The following FGF14 variants were observed in gnomAD, a reference collection of about 807,000 sequenced individuals.
FGF14 encodes fibroblast growth factor homologous factor 4.
In FGF14, 5 loss-of-function variants were observed where a neutral mutation model predicts 25.5. The ratio of observed to expected loss-of-function variants is 0.20; its 90% CI spans 0.10 to 0.41. The LOEUF is 0.41. FGF14 is among the 10% of genes least tolerant of loss of function. FGF14 has a pLI of 1.00. For synonymous variants in FGF14, 138 were observed against 118.3 expected, an observed-to-expected ratio of 1.17 and a Z score of -1.08; for missense variants, 222 against 320.1, an observed-to-expected ratio of 0.69 and a Z score of 2.34.
chr13:101,853,991 T>A (rs1414314498), intron 3 of FGF14, among the ~76,000 whole-genome samples: 1 of 152,118 alleles, frequency 6.6e-6, no homozygotes, highest in Non-Finnish European at 1.5e-5. Context: ...ACAACCATCA[T>A]ATTTGCTGAA....
chr13:101,998,740 G>A (rs2139716636), intron 1 of FGF14, among the ~76,000 whole-genome samples: 1 of 152,278 alleles, frequency 6.6e-6, no homozygotes. Context: ...GTAATGGGAG[G>A]AACTTTGTAA....
chr13:101,853,359 A>T (rs1262098070), intron 3 of FGF14, among the ~76,000 whole-genome samples: 2 of 152,108 alleles, frequency 1.3e-5, no homozygotes, highest in Non-Finnish European at 2.9e-5. Flanking sequence ...ACCTATTACC[A>T]ACAAATTCTC....
chr13:102,374,781 C>A (rs2057998209), intron 1 of FGF14, among the ~76,000 whole-genome samples: 1 of 147,258 alleles, frequency 6.8e-6, no homozygotes, highest in Non-Finnish European at 1.5e-5. Flanking sequence ...AAATCAATTT[C>A]TTCTGGTGGT....
chr13:102,010,010 A>T (rs2039998095), intron 1 of FGF14, among the ~76,000 whole-genome samples: 1 of 152,214 alleles, frequency 6.6e-6, no homozygotes, highest in Non-Finnish European at 1.5e-5. Flanking sequence ...AAAATAATAT[A>T]CCTAGAGAAA....
At chr13:101,796,985 G>A (rs1225907419) in intron 3 of FGF14, among the ~76,000 whole-genome samples, 1 of 151,960 alleles carries the variant, frequency 6.6e-6, no homozygotes, top group African/African-American at 2.4e-5. Flanking sequence ...CTTCTCTGTG[G>A]TGCAGGGCTT....
chr13:101,898,785 A>G (rs1226639014), intron 1 of FGF14, among the ~76,000 whole-genome samples: 1 of 152,206 alleles, frequency 6.6e-6, no homozygotes, highest in East Asian at 1.9e-4. Flanking sequence ...TTTAAAAACA[A>G]GAAGAGAAAA....
chr13:101,965,897 T>C (rs1000351745), intron 1 of FGF14, among the ~76,000 whole-genome samples: 2 of 152,168 alleles, frequency 1.3e-5, no homozygotes, highest in Non-Finnish European at 2.9e-5. Context: ...AACTGAAAAG[T>C]GTCACTCCAT....
intron 1 of FGF14, among the ~76,000 whole-genome samples, chr13:102,184,661 G>T (rs1183378913): frequency 6.6e-6 from 1 of 152,126 alleles, no homozygotes; most frequent in Non-Finnish European, 1.5e-5. Context: ...TGCAGCATTT[G>T]CCTATCAAAT....
At chr13:102,339,457 G>A (rs2056887013) in intron 1 of FGF14, among the ~76,000 whole-genome samples, 1 of 152,006 alleles carries the variant, frequency 6.6e-6, no homozygotes, top group African/African-American at 2.4e-5. Context: ...ATAACTGAAA[G>A]ATGTAAATCT....
chr13:101,719,676 A>G lies in FGF14; in HGVS notation c.*3155T>C, dbSNP rs572611560. ...CAGCTACTATAACAAATCAGTAGAAATAACCCTCCCACACCAGATATGCAT... is the reference window on the plus strand; with the variant it reads ...CAGCTACTATAACAAATCAGTAGAAGTAACCCTCCCACACCAGATATGCAT... On this transcript the variant is annotated 3_prime_UTR_variant, in exon 5 of 5. Transcript: ENST00000376143. 1.3e-5 allele frequency: 2 copies of G among 152,258 alleles called. No individual in the cohort carries two copies. The highest frequency in any genetic ancestry group is 1.3e-4 in the Admixed American group (2 of 15,272). 9.4% of individuals were successfully genotyped at this position (152,258 alleles called of 1,614,324 possible).
chr13:102,356,047 T>G (rs1269532023), intron 1 of FGF14, among the ~76,000 whole-genome samples: 1 of 152,192 alleles, frequency 6.6e-6, no homozygotes, highest in African/African-American at 2.4e-5. Context: ...TTGCTCAGGA[T>G]TATTATTTTT....
intron 3 of FGF14, among the ~76,000 whole-genome samples, chr13:101,864,889 A>G (rs1239999537): frequency 6.6e-6 from 1 of 152,152 alleles, no homozygotes; most frequent in African/African-American, 2.4e-5. Flanking sequence ...AAAATCAATC[A>G]TACTAAAACC....
intron 1 of FGF14, among the ~76,000 whole-genome samples, chr13:102,393,992 G>C (rs1050340936): frequency 6.6e-6 from 1 of 152,200 alleles, no homozygotes; most frequent in Non-Finnish European, 1.5e-5. Flanking sequence ...GGGTGTGAAC[G>C]TTATGGGAAC....
intron 3 of FGF14, among the ~76,000 whole-genome samples, chr13:101,737,458 T>TTC (rs2036264197): frequency 6.6e-6 from 1 of 152,236 alleles, no homozygotes; most frequent in African/African-American, 2.4e-5. Context: ...GTATTTTAGT[T>TTC]TATGTAGTTA....
At chr13:102,263,101 AC>A in intron 1 of FGF14, 2 of 630,794 alleles carry the variant, frequency 3.2e-6, no homozygotes, top group Non-Finnish European at 3.0e-6. Context: ...TGACTTTATT[AC>A]CAGTTTTCGT....
intron 1 of FGF14, among the ~76,000 whole-genome samples, chr13:102,151,888 T>C (rs1471797196): frequency 1.3e-5 from 2 of 152,226 alleles, no homozygotes; most frequent in Non-Finnish European, 2.9e-5. Context: ...TATGTAACTC[T>C]ATAGCTTGTA....
chr13:102,336,760 T>C (rs7324533), intron 1 of FGF14, among the ~76,000 whole-genome samples: 3,602 of 152,270 alleles, frequency 0.024, 137 homozygotes, highest in African/African-American at 0.08. Context: ...GCTGGCGATA[T>C]GAAGTTGAAG....
At position 101,722,719 on chromosome 13, in the gene FGF14, A is replaced by G. The variant is rs2035075058; in HGVS notation, c.*112T>C. Reference sequence around the variant, plus strand: ...AGAAGTTCGGAGACAGCAAAGAATAAGCATTAGCTTACTTCCTGCTGCTCT... The same window carrying G: ...AGAAGTTCGGAGACAGCAAAGAATAGGCATTAGCTTACTTCCTGCTGCTCT... On this transcript the variant is annotated 3_prime_UTR_variant, in exon 5 of 5. Coordinates refer to ENST00000376143, the MANE Select transcript of FGF14 (RefSeq NM_004115.4). The G allele has an allele frequency of 1.4e-6, 2 of 1,434,618 alleles. No individual in the cohort carries two copies. The highest frequency in any genetic ancestry group is 3.6e-5 in the Admixed American group (2 of 55,992). The allele number at this position is 1,434,618 out of a possible 1,614,324, so 88.9% of individuals were successfully genotyped here.
intron 1 of FGF14, among the ~76,000 whole-genome samples, chr13:102,079,961 C>A (rs565916144): frequency 2.0e-5 from 3 of 152,260 alleles, no homozygotes; most frequent in African/African-American, 7.2e-5. Context: ...ATGTATGAGA[C>A]ATGGCCAGTA....
Sources: gnomAD v4.1 joint callset for allele counts (sites outside exome capture counted in the v4.1 genomes callset) on GRCh38, gnomAD v4.1.1 for gene constraint, MANE v1.5 for transcripts, NCBI Gene and HGNC (gene_info 2026-07-23, HGNC 2026-07-21) for gene names.